CDH4: variants seen among roughly 807,000 people sequenced by gnomAD.
CDH4 encodes the protein cadherin 4.
In CDH4, 33 loss-of-function variants were observed where a neutral mutation model predicts 86.0. The observed-to-expected ratio is 0.38, with a 90% CI of 0.29 to 0.51. The LOEUF is 0.51. CDH4 is among the 20% of genes least tolerant of loss of function. The pLI is 0.86. For missense variants in CDH4, 1,114 were observed against 1,307.4 expected, an observed-to-expected ratio of 0.85 and a Z score of 2.28; for synonymous variants, 555 against 549.4, an observed-to-expected ratio of 1.01 and a Z score of -0.14.
intron 4 of CDH4, among the ~76,000 whole-genome samples, chr20:61,828,169 A>G (rs1057268384): frequency 6.6e-6 from 1 of 152,224 alleles, no homozygotes; most frequent in Non-Finnish European, 1.5e-5. Flanking sequence ...GACAATGATC[A>G]TTAGTGGCTG....
chr20:61,453,854 C>T (rs1271263948), intron 2 of CDH4, among the ~76,000 whole-genome samples: 1 of 152,114 alleles, frequency 6.6e-6, no homozygotes, highest in African/African-American at 2.4e-5. Flanking sequence ...GGCAGTGACC[C>T]TCATGCTGTT....
At chr20:61,561,998 G>A (rs77555951) in intron 2 of CDH4, among the ~76,000 whole-genome samples, 7,283 of 149,960 alleles carry the variant, frequency 0.049, 149 homozygotes, top group East Asian at 0.21. Context: ...GTGGAGAGGT[G>A]GACCCCAGGG....
At chr20:61,770,633 C>T (rs2145982634) in intron 3 of CDH4, among the ~76,000 whole-genome samples, 1 of 152,342 alleles carries the variant, frequency 6.6e-6, no homozygotes, top group East Asian at 1.9e-4. Flanking sequence ...CCTGTAATCC[C>T]AGCACTTTGG....
intron 4 of CDH4, among the ~76,000 whole-genome samples, chr20:61,792,638 C>CTGTGTGTGTGTGTGTGTGTGTG (rs139135636): frequency 6.6e-4 from 99 of 150,766 alleles, no homozygotes; most frequent in African/African-American, 2.0e-3. Flanking sequence ...TTAGATGATG[C>CTGTGTGTGTGTGTGTGTGTGTG]TGTGTGTGTG....
rs542238486 is a variant in CDH4 at position 61,843,994 on chromosome 20, G to T, written c.577-674G>T. 2.0e-5 allele frequency among the ~76,000 whole-genome samples: 3 copies of T among 152,262 alleles called. No individual in the cohort carries two copies. In the South Asian group the frequency reaches 6.2e-4, roughly 32 times the overall value. ...CCCCCTCCTCATTACAGGAGGTTTC[G>T]CCTCAACTGAGTGAAAGACGTGCAT... On this transcript the variant is annotated intron_variant, in intron 4 of 15. Transcript: ENST00000614565.
chr20:61,492,403 ATGG>A (rs935653964), intron 2 of CDH4, among the ~76,000 whole-genome samples: 34 of 148,548 alleles, frequency 2.3e-4, no homozygotes, highest in South Asian at 1.3e-3. Context: ...AGTGGTGTTG[ATGG>A]TGGTGGTATT....
At chr20:61,308,480 A>G (rs969527057) in intron 2 of CDH4, among the ~76,000 whole-genome samples, 3 of 152,174 alleles carry the variant, frequency 2.0e-5, no homozygotes, top group Non-Finnish European at 4.4e-5. Context: ...TGTGCCGACA[A>G]TTAATCTCTG....
At chr20:61,400,513 T>A (rs1248727804) in intron 2 of CDH4, among the ~76,000 whole-genome samples, 1 of 152,204 alleles carries the variant, frequency 6.6e-6, no homozygotes, top group African/African-American at 2.4e-5. Flanking sequence ...ATCTCAGGAC[T>A]ACTGTCAAAG....
chr20:61,568,309 A>G (rs2086315516), intron 2 of CDH4, among the ~76,000 whole-genome samples: 1 of 152,148 alleles, frequency 6.6e-6, no homozygotes, highest in Non-Finnish European at 1.5e-5. Context: ...TCATGATAGT[A>G]AGTTCTCACC....
chr20:61,470,200 A>G (rs2085494703), intron 2 of CDH4, among the ~76,000 whole-genome samples: 1 of 152,070 alleles, frequency 6.6e-6, no homozygotes, highest in South Asian at 2.1e-4. Flanking sequence ...GACATGGAAC[A>G]TCTTTTCTTT....
rs1179661889 is a variant in CDH4, at chr20:61,844,474, C to T, written c.577-194C>T. On this transcript the variant is annotated intron_variant, in intron 4 of 15. Coordinates refer to ENST00000614565, the MANE Select transcript of CDH4 (RefSeq NM_001794.5). Reference sequence around the variant, plus strand: ...TGACAGGCCCTAGACCTGCAGTCGGCGGCTCTCAGTGAAACCCTGACCACC... The same window carrying T: ...TGACAGGCCCTAGACCTGCAGTCGGTGGCTCTCAGTGAAACCCTGACCACC... Among the ~76,000 whole-genome samples the T allele has an allele frequency of 3.3e-5, 5 of 152,056 alleles. No individual in the cohort carries two copies. The South Asian group carries it at 6.2e-4, about 19-fold the overall frequency.
At chr20:61,406,298 G>C (rs62199117) in intron 2 of CDH4, among the ~76,000 whole-genome samples, 125,924 of 146,294 alleles carry the variant, frequency 0.86, 53,923 homozygotes, top group East Asian at 0.99. Context: ...GCCCGGACCA[G>C]CATCTGCTCT....
intron 2 of CDH4, among the ~76,000 whole-genome samples, chr20:61,597,401 T>C (rs1753645713): frequency 6.6e-6 from 1 of 152,162 alleles, no homozygotes; most frequent in Non-Finnish European, 1.5e-5. Flanking sequence ...CCCCACATCG[T>C]CCTCACCACC....
chr20:61,717,054 G>A (rs992006729), intron 2 of CDH4, among the ~76,000 whole-genome samples: 1 of 152,228 alleles, frequency 6.6e-6, no homozygotes, highest in African/African-American at 2.4e-5. Flanking sequence ...GCCAGTGCCA[G>A]CAGCTTCTTC....
chr20:61,799,763 G>A (rs962652988), intron 4 of CDH4, among the ~76,000 whole-genome samples: 25 of 152,180 alleles, frequency 1.6e-4, no homozygotes, highest in African/African-American at 5.1e-4. Context: ...TGGGCAGGGC[G>A]TGGGCCCGGT....
At chr20:61,672,215 A>G (rs931392181) in intron 2 of CDH4, among the ~76,000 whole-genome samples, 9 of 151,170 alleles carry the variant, frequency 6.0e-5, no homozygotes, top group African/African-American at 1.9e-4. Flanking sequence ...GGATGGATAG[A>G]TGGGTGTATG....
chr20:61,936,256 C>T (rs989254355), intron 15 of CDH4, among the ~76,000 whole-genome samples: 15 of 147,054 alleles, frequency 1.0e-4, no homozygotes, highest in Non-Finnish European at 2.3e-4. Context: ...TCACCTCCCC[C>T]ACACCACCCC....
At chr20:61,331,589 C>G (rs1555837529) in intron 2 of CDH4, among the ~76,000 whole-genome samples, 1 of 143,608 alleles carries the variant, frequency 7.0e-6, no homozygotes. Flanking sequence ...CTGCCCCAGG[C>G]CCACCTCCTG....
intron 2 of CDH4, among the ~76,000 whole-genome samples, chr20:61,506,723 C>T (rs908242098): frequency 1.1e-4 from 17 of 152,100 alleles, no homozygotes; most frequent in African/African-American, 3.6e-4. Context: ...TCGACCTGCA[C>T]GTTATGAGAG....
Sources: gnomAD v4.1 joint callset for allele counts (sites outside exome capture counted in the v4.1 genomes callset) on GRCh38, gnomAD v4.1.1 for gene constraint, MANE v1.5 for transcripts, NCBI Gene and HGNC (gene_info 2026-07-23, HGNC 2026-07-21) for gene names.